PCLO: variants seen among roughly 807,000 people sequenced by gnomAD.
PCLO encodes piccolo presynaptic cytomatrix protein.
Under a neutral mutation model 427.5 loss-of-function variants are expected in PCLO, and 82 were observed. That is an observed-to-expected ratio of 0.19 (90% confidence interval 0.16 to 0.23). The LOEUF is 0.23. Among genes scored for constraint, PCLO ranks in the 10% least tolerant of loss-of-function variants. The pLI, the probability that PCLO is intolerant of heterozygous loss-of-function variation, is 1.00. For synonymous variants in PCLO, 2,357 were observed against 2,155.4 expected, an observed-to-expected ratio of 1.09 and a Z score of -2.59; for missense variants, 6,239 against 6,115.9, an observed-to-expected ratio of 1.02 and a Z score of -0.67.
chr7:83,144,838 T>C (rs1791953270), intron 2 of PCLO, among the ~76,000 whole-genome samples: 1 of 152,196 alleles, frequency 6.6e-6, no homozygotes, highest in South Asian at 2.1e-4. Flanking sequence ...GTTCACATAG[T>C]AAAGCCTGCT....
chr7:82,830,218 A>C (rs1792059148), intron 16 of PCLO, among the ~76,000 whole-genome samples: 1 of 152,090 alleles, frequency 6.6e-6, no homozygotes, highest in African/African-American at 2.4e-5. Flanking sequence ...GATAGCAAGC[A>C]CACAGGTATT....
At chr7:82,799,538 G>A (rs1426443635) in intron 22 of PCLO, among the ~76,000 whole-genome samples, 2 of 152,146 alleles carry the variant, frequency 1.3e-5, no homozygotes, top group Admixed American at 1.3e-4. Context: ...AAAATATTGT[G>A]CTGGCCCTAT....
rs538976465 is a variant in PCLO at position 82,900,670 on chromosome 7, C to A, written c.13528+1981G>T. On this transcript the variant is annotated intron_variant, in intron 9 of 24. Transcript: ENST00000333891. ...GATATAGGAGTCAAACAATTAAATG[C>A]AATGTGGGATCCTAAATTGGATCCT... 5.9e-5 allele frequency among the ~76,000 whole-genome samples: 9 copies of A among 151,482 alleles called. No individual in the cohort carries two copies. The South Asian group carries it at 1.9e-3, about 31-fold the overall frequency.
chr7:83,106,168 A>G (rs17157175), intron 3 of PCLO, among the ~76,000 whole-genome samples: 69,969 of 152,040 alleles, frequency 0.46, 16,510 homozygotes, highest in East Asian at 0.71. Flanking sequence ...TGAATCCTAC[A>G]CTGCCACATC....
intron 1 of PCLO, among the ~76,000 whole-genome samples, chr7:83,157,929 ATATTT>A (rs1223233239): frequency 6.6e-6 from 1 of 152,076 alleles, no homozygotes; most frequent in Non-Finnish European, 1.5e-5. Context: ...CAGACTACAA[ATATTT>A]TATTTCATAT....
At chr7:82,782,253 C>G (rs1300117214) in intron 22 of PCLO, among the ~76,000 whole-genome samples, 1 of 152,122 alleles carries the variant, frequency 6.6e-6, no homozygotes, top group Non-Finnish European at 1.5e-5. Context: ...AAAACAGCCC[C>G]CTAACCTCTG....
chr7:83,097,763 C>G (rs529241815), intron 3 of PCLO, among the ~76,000 whole-genome samples: 184 of 151,492 alleles, frequency 1.2e-3, no homozygotes, highest in African/African-American at 4.4e-3. Flanking sequence ...TGTCAGAAAA[C>G]AAAACATGCT....
intron 3 of PCLO, among the ~76,000 whole-genome samples, chr7:82,998,678 C>T (rs535511252): frequency 6.6e-6 from 1 of 152,010 alleles, no homozygotes; most frequent in East Asian, 1.9e-4. Context: ...TTAGAGAATG[C>T]TTTCTCTGCC....
chr7:83,074,022 A>T (rs1038202806), intron 3 of PCLO, among the ~76,000 whole-genome samples: 11 of 151,916 alleles, frequency 7.2e-5, no homozygotes, highest in Non-Finnish European at 1.2e-4. Context: ...TATTAAATAC[A>T]AATTAAACAC....
intron 2 of PCLO, among the ~76,000 whole-genome samples, chr7:83,142,436 C>T (rs1584080470): frequency 6.6e-6 from 1 of 152,190 alleles, no homozygotes; most frequent in African/African-American, 2.4e-5. Context: ...GATTCCCAGT[C>T]AACTTTGGGC....
chr7:82,871,974 T>C (rs2888018), intron 10 of PCLO, among the ~76,000 whole-genome samples: 1 of 151,690 alleles, frequency 6.6e-6, no homozygotes, highest in South Asian at 2.1e-4. Flanking sequence ...ACTTAATTCT[T>C]TGAGCTTAAG....
At chr7:83,131,489 G>A (rs1345042566) in intron 3 of PCLO, among the ~76,000 whole-genome samples, 1 of 152,146 alleles carries the variant, frequency 6.6e-6, no homozygotes, top group Admixed American at 6.5e-5. Context: ...AAACAGAATA[G>A]CCAAAGGGAG....
intron 3 of PCLO, among the ~76,000 whole-genome samples, chr7:82,966,996 T>C (rs1040690091): frequency 3.8e-4 from 58 of 152,044 alleles, no homozygotes; most frequent in African/African-American, 1.4e-3. Context: ...CCTTTCAGAG[T>C]AGAGCTTTAT....
At chr7:83,010,957 T>G (rs183325947) in intron 3 of PCLO, among the ~76,000 whole-genome samples, 68 of 152,178 alleles carry the variant, frequency 4.5e-4, no homozygotes, top group Non-Finnish European at 5.0e-4. Context: ...CTTTCCAACT[T>G]TAATCCTATA....
chr7:83,071,019 T>G (rs2116354129), intron 3 of PCLO, among the ~76,000 whole-genome samples: 1 of 152,276 alleles, frequency 6.6e-6, no homozygotes, highest in African/African-American at 2.4e-5. Flanking sequence ...CTATTTTTTT[T>G]TTTGGATTTG....
intron 9 of PCLO, among the ~76,000 whole-genome samples, chr7:82,893,244 T>TA (rs1163143581): frequency 6.6e-6 from 1 of 152,050 alleles, no homozygotes; most frequent in Admixed American, 6.6e-5. Flanking sequence ...TATGCAGCCA[T>TA]AAAAAATGAT....
At chr7:83,019,009 T>C (rs964257384) in intron 3 of PCLO, among the ~76,000 whole-genome samples, 1 of 152,018 alleles carries the variant, frequency 6.6e-6, no homozygotes, top group Non-Finnish European at 1.5e-5. Flanking sequence ...CATACTGGCA[T>C]ACAGAAAGGT....
At chr7:82,980,781 T>A (rs1796129456) in intron 3 of PCLO, among the ~76,000 whole-genome samples, 1 of 151,948 alleles carries the variant, frequency 6.6e-6, no homozygotes. Flanking sequence ...AGAAAAAAAA[T>A]GTCCTGATTT....
chr7:83,145,522 A>G (rs1396707492), intron 2 of PCLO, among the ~76,000 whole-genome samples: 2 of 152,198 alleles, frequency 1.3e-5, no homozygotes, highest in African/African-American at 2.4e-5. Context: ...ATTTTGGGTC[A>G]GCGAATCTCA....
Sources: allele counts gnomAD v4.1 joint callset (sites outside exome capture counted in the v4.1 genomes callset), GRCh38; gene constraint gnomAD v4.1.1; transcripts MANE v1.5; gene names NCBI Gene and HGNC (gene_info 2026-07-23, HGNC 2026-07-21).